EXOSC9: variants seen among roughly 807,000 people sequenced by gnomAD.
The protein encoded by EXOSC9 is exosome component 9.
In EXOSC9, 38 loss-of-function variants were observed where a neutral mutation model predicts 56.5. The ratio of observed to expected loss-of-function variants is 0.67; its 90% CI spans 0.52 to 0.88. The LOEUF is 0.88. EXOSC9 is among the 40% of genes least tolerant of loss of function. The pLI is 0.00. For synonymous variants in EXOSC9, 170 were observed against 170.8 expected (o/e 0.99, Z 0.04); for missense variants, 559 against 530.5 (o/e 1.05, Z -0.53).
chr4:121,813,659 T>A, intron 9 of EXOSC9: 1 of 533,602 alleles, frequency 1.9e-6, no homozygotes, highest in African/African-American at 1.9e-5. Context: ...TTCACATTTC[T>A]TATTAATTGC....
intron 1 of EXOSC9, 77 bp from the exon 2 acceptor site, chr4:121,801,750 C>T: frequency 7.8e-7 from 1 of 1,285,652 alleles, no homozygotes; most frequent in Non-Finnish European, 1.1e-6. Flanking sequence ...AGTGCTTAGC[C>T]CAGGGCCAGA....
At chr4:121,805,187 G>C (rs1367904992) in intron 5 of EXOSC9, among the ~76,000 whole-genome samples, 1 of 152,212 alleles carries the variant, frequency 6.6e-6, no homozygotes, top group Non-Finnish European at 1.5e-5. Flanking sequence ...TAGGCAAAGA[G>C]ATGACGAAAG....
intron 7 of EXOSC9, among the ~76,000 whole-genome samples, chr4:121,810,594 A>G (rs1465827540): frequency 6.6e-6 from 1 of 152,196 alleles, no homozygotes; most frequent in African/African-American, 2.4e-5. Flanking sequence ...AGGCAGGAGA[A>G]TTGCTTGAAT....
In EXOSC9 at chr4:121,801,348, G is replaced by A; in HGVS notation, c.-77G>A. The A allele has an allele frequency of 1.4e-6, 2 of 1,404,638 alleles. No individual in the cohort carries two copies. The allele number at this position is 1,404,638 out of a possible 1,614,324, so 87.0% of individuals were successfully genotyped here. ...GTAATTTTCCTGCGCCTCGGGGCGAGCAGCGGCGCGCAAGGAAAGATCGGG... is the reference window on the plus strand; with the variant it reads ...GTAATTTTCCTGCGCCTCGGGGCGAACAGCGGCGCGCAAGGAAAGATCGGG... On this transcript the variant is annotated 5_prime_UTR_variant, in exon 1 of 12. Transcript: ENST00000243498.
At chr4:121,813,777 A>C (rs1278106780) in intron 9 of EXOSC9, 89 bp from the exon 10 acceptor site, 1 of 957,978 alleles carries the variant, frequency 1.0e-6, no homozygotes, top group East Asian at 2.5e-5. Context: ...CACTTGAATC[A>C]ATCTTACAAG....
rs1244814853 is a variant in EXOSC9 at position 121,801,350 on chromosome 4, AGCG to A, written c.-71_-69del. ...AATTTTCCTGCGCCTCGGGGCGAGC[AGCG>A]GCGCGCAAGGAAAGATCGGGTTCCG... On this transcript the variant is annotated 5_prime_UTR_variant, in exon 1 of 12. Transcript: ENST00000243498. 5 of 1,410,924 alleles carry A rather than the reference AGCG, an allele frequency of 3.5e-6. No individual in the cohort carries two copies. Among genetic ancestry groups the A allele is most frequent in the Non-Finnish European group, 5.0e-6 (5 of 995,026 alleles). 87.4% of individuals were successfully genotyped at this position (1,410,924 alleles called of 1,614,324 possible).
chr4:121,810,170 C>T, intron 7 of EXOSC9, 71 bp downstream of exon 7: 2 of 1,366,852 alleles, frequency 1.5e-6, no homozygotes, highest in Non-Finnish European at 2.1e-6. Flanking sequence ...TGTCTTTTAA[C>T]AAAAATCCAA....
chr4:121,810,264 G>A (rs1727173758), intron 7 of EXOSC9, among the ~76,000 whole-genome samples, 165 bp downstream of exon 7: 1 of 152,092 alleles, frequency 6.6e-6, no homozygotes, highest in South Asian at 2.1e-4. Context: ...CTGTTGACTG[G>A]TGGCTATGAG....
rs577979191 is a variant in EXOSC9, at chr4:121,807,632, G to T, written c.605+10G>T. On this transcript the variant is annotated intron_variant, in intron 6 of 11. Transcript: ENST00000243498. ...CCTTTTTCCAGCAAGGGTAAGCCTC[G>T]CCTTATTATGGGCCAAAATTACAAA... 3 of 1,574,978 alleles carry T rather than the reference G, an allele frequency of 1.9e-6. No individual in the cohort carries two copies. The highest frequency in any genetic ancestry group is 1.1e-5 in the South Asian group (1 of 90,110).
chr4:121,804,537 A>G (rs1726963292), intron 4 of EXOSC9, 85 bp from the exon 5 acceptor site: 1 of 854,994 alleles, frequency 1.2e-6, no homozygotes, highest in African/African-American at 1.7e-5. Context: ...AGAAAAAATA[A>G]TTTGTACACA....
Position 121,816,881 on chromosome 4 carries a change from T to C in EXOSC9, c.*25T>C, listed in dbSNP as rs143489679. On this transcript the variant is annotated 3_prime_UTR_variant, in exon 12 of 12. Coordinates refer to ENST00000243498, the MANE Select transcript of EXOSC9 (RefSeq NM_005033.3). ...AAGCTAACAGTTGTATATCTGTATA[T>C]ATAACTATTAAAAGGGATATTTATT... The C allele has an allele frequency of 7.3e-6, 11 of 1,516,416 alleles. No individual in the cohort carries two copies. In the African/African-American group the frequency reaches 1.3e-4, roughly 18 times the overall value. The allele number at this position is 1,516,416 out of a possible 1,614,324, so 93.9% of individuals were successfully genotyped here.
At position 121,807,789 on chromosome 4, in the gene EXOSC9, A is replaced by T. The variant is rs1052221750; in HGVS notation, c.605+167A>T. 17 of 608,696 alleles carry T rather than the reference A, an allele frequency of 2.8e-5. No homozygotes were observed. The East Asian group carries it at 4.7e-4, about 17-fold the overall frequency. 37.7% of individuals were successfully genotyped at this position (608,696 alleles called of 1,614,324 possible). A position where few individuals can be genotyped will look rare whatever the true frequency, so the allele number is the denominator to read the frequency against. On this transcript the variant is annotated intron_variant, in intron 6 of 11. Transcript: ENST00000243498. ...GCATTAGTTGGCAAAGAACTTTCTC[A>T]GTAGAAGTAACAAAACTCTTATACT... is the stretch of plus-strand genomic sequence containing the variant.
Position 121,801,390 on chromosome 4 carries a change from G to A in EXOSC9, c.-35G>A, listed in dbSNP as rs1181857116. On this transcript the variant is annotated 5_prime_UTR_variant, in exon 1 of 12. Coordinates refer to ENST00000243498, the MANE Select transcript of EXOSC9 (RefSeq NM_005033.3). ...AAGATCGGGTTCCGTTTTTCCCGCGGATTCTGGTGCCTGTGGGGCCGGTGA... is the reference window on the plus strand; with the variant it reads ...AAGATCGGGTTCCGTTTTTCCCGCGAATTCTGGTGCCTGTGGGGCCGGTGA... 6.2e-7 allele frequency: 1 copy of A among 1,605,580 alleles called. No homozygotes were observed. The highest frequency in any genetic ancestry group is 1.3e-5 in the African/African-American group (1 of 74,766).
rs1258126943 is a variant in EXOSC9 at position 121,802,689 on chromosome 4, T to C, written c.177T>C (p.Val59=). ...ELGKTRVLGQ[V]SCELVSPKLN... ...ATCTTTGCAGAGTTCTTGGACAGGTTTCCTGTGAACTTGTGTCTCCAAAAC... is the reference window on the plus strand; with the variant it reads ...ATCTTTGCAGAGTTCTTGGACAGGTCTCCTGTGAACTTGTGTCTCCAAAAC... Residue 59 remains valine (V), a synonymous_variant, in exon 3 of 12, where the codon GTT becomes GTC. Transcript: ENST00000243498. The C allele has an allele frequency of 6.2e-7, 1 of 1,614,096 alleles. No homozygotes were observed. Among genetic ancestry groups the C allele is most frequent in the Admixed American group, 1.7e-5 (1 of 59,992 alleles).
chr4:121,803,981 A>AT (rs1410058532), intron 4 of EXOSC9, among the ~76,000 whole-genome samples: 2 of 151,906 alleles, frequency 1.3e-5, no homozygotes, highest in Admixed American at 1.3e-4. Context: ...TAAAAGTTTA[A>AT]TTTTTTTTAA....
At chr4:121,804,443 A>C in intron 4 of EXOSC9, 179 bp from the exon 5 acceptor site, 1 of 470,172 alleles carries the variant, frequency 2.1e-6, no homozygotes, top group Non-Finnish European at 3.8e-6. Context: ...CGACCCACAT[A>C]GTATTTCAGA....
At chr4:121,802,382 G>C (rs145355659) in intron 2 of EXOSC9, among the ~76,000 whole-genome samples, 128 of 152,256 alleles carry the variant, frequency 8.4e-4, no homozygotes, top group African/African-American at 3.0e-3. Flanking sequence ...ATGCCATCTT[G>C]TATCAATAAA....
At chr4:121,801,523 C>T (rs1353480532) in intron 1 of EXOSC9, 33 bp downstream of exon 1, 3 of 1,603,378 alleles carry the variant, frequency 1.9e-6, no homozygotes, top group South Asian at 2.2e-5. Context: ...TTGCGCGCTG[C>T]GTGGGCGCTC....
At chr4:121,811,206 TTTA>T (rs768495145) in intron 7 of EXOSC9, among the ~76,000 whole-genome samples, 6 of 149,420 alleles carry the variant, frequency 4.0e-5, no homozygotes, top group Admixed American at 6.6e-5. Flanking sequence ...CTAGCACACA[TTTA>T]TTAAGTGTGC....
Sources: gnomAD v4.1 joint callset for allele counts (sites outside exome capture counted in the v4.1 genomes callset) on GRCh38, gnomAD v4.1.1 for gene constraint, MANE v1.5 for transcripts, NCBI Gene and HGNC (gene_info 2026-07-23, HGNC 2026-07-21) for gene names.